The following SPTLC3 variants were observed in gnomAD, a reference collection of about 807,000 sequenced individuals.
The protein encoded by SPTLC3 is serine palmitoyltransferase 3.
In SPTLC3, 36 loss-of-function variants were observed where a neutral mutation model predicts 59.3. That is an observed-to-expected ratio of 0.61 (90% CI 0.47 to 0.80). The LOEUF (loss-of-function observed/expected upper bound fraction) is 0.80. SPTLC3 is among the 30% of genes least tolerant of loss of function. The pLI, the probability that SPTLC3 is intolerant of heterozygous loss-of-function variation, is 0.00. For synonymous variants in SPTLC3, 257 were observed against 240.8 expected (o/e 1.07, Z -0.62); for missense variants, 625 against 685.1 (o/e 0.91, Z 0.98).
In SPTLC3 at chr20:13,117,604, TGGGCCCAACCGGCCGG is replaced by T; in HGVS notation, c.1034_1049del (p.Gly345ValfsTer8). On this transcript the variant is annotated frameshift_variant, in exon 8 of 12. Coordinates refer to ENST00000399002, the MANE Select transcript of SPTLC3 (RefSeq NM_018327.4). LOFTEE classifies it high-confidence loss of function. ...GATGAAGCTCACAGTATTGGGGCCGTGGGCCCAACCGGCCGGGGTGTCACGGAGTTCTTTGGACTAG... is the reference window on the plus strand; with the variant it reads ...GATGAAGCTCACAGTATTGGGGCCGTGGTGTCACGGAGTTCTTTGGACTAG... 1 of 1,610,086 alleles carries T rather than the reference TGGGCCCAACCGGCCGG, an allele frequency of 6.2e-7. No homozygotes were observed. The highest frequency in any genetic ancestry group is 8.5e-7 in the Non-Finnish European group (1 of 1,177,882).
chr20:13,139,297 A>G (rs1363643877), intron 9 of SPTLC3, among the ~76,000 whole-genome samples: 2 of 152,234 alleles, frequency 1.3e-5, no homozygotes, highest in Admixed American at 6.5e-5. Context: ...AAAATTTTCC[A>G]TAGTATCCTT....
chr20:13,077,137 T>C (rs936542623), intron 4 of SPTLC3, among the ~76,000 whole-genome samples: 10 of 152,026 alleles, frequency 6.6e-5, no homozygotes, highest in African/African-American at 2.4e-4. Context: ...AAAAATGATA[T>C]GGTAATAGGA....
chr20:13,130,564 A>G (rs2122820617), intron 9 of SPTLC3, among the ~76,000 whole-genome samples: 1 of 152,366 alleles, frequency 6.6e-6, no homozygotes. Context: ...CAGTGAAATG[A>G]CAATGTTTAT....
At chr20:13,016,628 G>C (rs1437224229) in intron 1 of SPTLC3, among the ~76,000 whole-genome samples, 2 of 152,026 alleles carry the variant, frequency 1.3e-5, no homozygotes, top group Non-Finnish European at 2.9e-5. Flanking sequence ...ATGATAATAG[G>C]CTTAGAGACC....
intron 6 of SPTLC3, among the ~76,000 whole-genome samples, chr20:13,107,478 G>A (rs754021619): frequency 1.4e-4 from 21 of 152,054 alleles, no homozygotes; most frequent in Non-Finnish European, 2.1e-4. Flanking sequence ...TGCTGCCCAC[G>A]GTCAAGTAGA....
chr20:13,093,577 A>G lies in SPTLC3; in HGVS notation c.826A>G (p.Asn276Asp), dbSNP rs1600272203. 5 of 1,612,596 alleles carry G rather than the reference A, an allele frequency of 3.1e-6. No individual in the cohort carries two copies. The highest frequency in any genetic ancestry group is 4.2e-6 in the Non-Finnish European group (5 of 1,178,864). ...GATIRIFKHN[N>D]TQSLEKLLRD... ...AACCATAAGAATCTTCAAACACAACAGTGAGTATCAGTGTATTTTCTCAAC... is the reference window on the plus strand; with the variant it reads ...AACCATAAGAATCTTCAAACACAACGGTGAGTATCAGTGTATTTTCTCAAC... The change falls in exon 6 of 12, where the codon AAC becomes GAC. Residue 276 changes from asparagine to aspartate, a missense_variant and splice_region_variant. Coordinates refer to ENST00000399002, the MANE Select transcript of SPTLC3 (RefSeq NM_018327.4).
chr20:13,026,896 C>T (rs1038209421), intron 1 of SPTLC3, among the ~76,000 whole-genome samples: 8 of 152,166 alleles, frequency 5.3e-5, no homozygotes, highest in Admixed American at 6.5e-5. Flanking sequence ...CCAAAAGCAC[C>T]GGAGATTCAA....
At chr20:13,109,331 T>C (rs1413982426) in intron 6 of SPTLC3, among the ~76,000 whole-genome samples, 2 of 152,230 alleles carry the variant, frequency 1.3e-5, no homozygotes, top group Non-Finnish European at 2.9e-5. Context: ...AAGGGTAGTG[T>C]TACAAATGTG....
chr20:13,091,009 T>A, intron 4 of SPTLC3, 74 bp from the exon 5 acceptor site: 1 of 1,585,808 alleles, frequency 6.3e-7, no homozygotes, highest in Non-Finnish European at 8.6e-7. Context: ...GATGTGTACG[T>A]ACTGGAATTT....
chr20:13,022,955 G>T (rs1049324974), intron 1 of SPTLC3, among the ~76,000 whole-genome samples: 2 of 152,076 alleles, frequency 1.3e-5, no homozygotes, highest in Non-Finnish European at 2.9e-5. Flanking sequence ...CTCATCTCCT[G>T]CTACTTTCCC....
intron 8 of SPTLC3, among the ~76,000 whole-genome samples, 188 bp from the exon 9 acceptor site, chr20:13,126,403 G>A (rs111278040): frequency 1.3e-5 from 2 of 152,194 alleles, no homozygotes; most frequent in African/African-American, 4.8e-5. Context: ...TTTTGAGGGA[G>A]AGACTATGAA....
chr20:13,117,857 C>T, intron 8 of SPTLC3, 132 bp downstream of exon 8: 4 of 797,994 alleles, frequency 5.0e-6, no homozygotes, highest in Non-Finnish European at 1.9e-6. Flanking sequence ...AGCCTGGCTA[C>T]AGTGGGTTCA....
chr20:13,093,449 T>C lies in SPTLC3; in HGVS notation c.733-35T>C, dbSNP rs776622124. 1.9e-6 allele frequency: 3 copies of C among 1,591,766 alleles called. No individual in the cohort carries two copies. In the South Asian group the frequency reaches 3.3e-5, roughly 18 times the overall value. ...AGTTGTTTTTCCTTGGTTTTATTTA[T>C]TGGCTTGTGTTTTGTGTGCTTGTTT... On this transcript the variant is annotated intron_variant, in intron 5 of 11. Coordinates refer to ENST00000399002, the MANE Select transcript of SPTLC3 (RefSeq NM_018327.4).
intron 6 of SPTLC3, among the ~76,000 whole-genome samples, chr20:13,094,393 GCA>G (rs3038619): frequency 0.29 from 44,686 of 151,882 alleles, 7,466 homozygotes; most frequent in Middle Eastern, 0.4. Flanking sequence ...GTACATGCAT[GCA>G]CACACATGCA....
chr20:13,017,576 C>T (rs1438743523), intron 1 of SPTLC3, among the ~76,000 whole-genome samples: 1 of 152,172 alleles, frequency 6.6e-6, no homozygotes, highest in East Asian at 1.9e-4. Flanking sequence ...TGGATGCAGA[C>T]CAACATAGAT....
intron 2 of SPTLC3, among the ~76,000 whole-genome samples, chr20:13,064,725 C>A (rs978909304): frequency 2.6e-5 from 4 of 152,102 alleles, no homozygotes; most frequent in Non-Finnish European, 5.9e-5. Flanking sequence ...AATTAGCTTG[C>A]GAGGTATAGA....
At chr20:13,087,922 A>G (rs1273898379) in intron 4 of SPTLC3, among the ~76,000 whole-genome samples, 1 of 152,234 alleles carries the variant, frequency 6.6e-6, no homozygotes, top group Non-Finnish European at 1.5e-5. Context: ...GAAGGGCAAA[A>G]AATGGTTTTA....
chr20:13,165,741 T>A lies in SPTLC3; in HGVS notation c.*874T>A, dbSNP rs1309784663. 6.6e-6 allele frequency: 1 copy of A among 152,174 alleles called. No individual in the cohort carries two copies. The highest frequency in any genetic ancestry group is 1.5e-5 in the Non-Finnish European group (1 of 68,040). 9.4% of individuals were successfully genotyped at this position (152,174 alleles called of 1,614,324 possible). The stretch of plus-strand genomic sequence containing the variant: ...TGTCATTTTCCTATTGAATTTTGAG[T>A]AAATGGTGAAATTCAGTGTCCTTTA... On this transcript the variant is annotated 3_prime_UTR_variant, in exon 12 of 12. Transcript: ENST00000399002.
intron 1 of SPTLC3, among the ~76,000 whole-genome samples, chr20:13,024,502 C>T (rs1456530600): frequency 6.6e-6 from 1 of 152,092 alleles, no homozygotes; most frequent in African/African-American, 2.4e-5. Flanking sequence ...CCATTAACTT[C>T]AATATTTTTC....
Sources: gnomAD v4.1 joint callset for allele counts (sites outside exome capture counted in the v4.1 genomes callset) on GRCh38, gnomAD v4.1.1 for gene constraint, MANE v1.5 for transcripts, NCBI Gene and HGNC (gene_info 2026-07-23, HGNC 2026-07-21) for gene names.